CENPW: variants seen among roughly 807,000 people sequenced by gnomAD.
CENPW encodes the protein centromere protein W.
A neutral mutation model predicts 11.1 loss-of-function variants in CENPW; 3 were observed. The ratio of observed to expected loss-of-function variants is 0.27; its 90% CI spans 0.12 to 0.70. The LOEUF is 0.70. Ranked by LOEUF, CENPW falls within the 30% of genes least tolerant of loss-of-function variation. The pLI is 0.77. For synonymous variants in CENPW, 38 were observed against 42.0 expected, an observed-to-expected ratio of 0.91 and a Z score of 0.37; for missense variants, 100 against 105.6, an observed-to-expected ratio of 0.95 and a Z score of 0.23.
At chr6:126,348,966 A>C (rs2128290249), downstream of CENPW, 1 of 152,236 alleles carries the variant, frequency 6.6e-6, no homozygotes, top group African/African-American at 2.4e-5. Flanking sequence ...TTATGCCAGT[A>C]GTAATGTTAT....
At chr6:126,409,899 C>T in the CENPW span, among the ~76,000 whole-genome samples, 1 of 151,806 alleles carries the variant, frequency 6.6e-6, no homozygotes, top group Non-Finnish European at 1.5e-5. Context: ...GGATTTAATC[C>T]ATTTATATAT....
chr6:126,465,130 G>A, the CENPW span, among the ~76,000 whole-genome samples: 7 of 151,866 alleles, frequency 4.6e-5, no homozygotes, highest in Non-Finnish European at 8.8e-5. Context: ...ATCTATAAAC[G>A]TAAGAAATAA....
the CENPW span, among the ~76,000 whole-genome samples, chr6:126,384,174 G>A: frequency 6.6e-6 from 1 of 152,062 alleles, no homozygotes; most frequent in Non-Finnish European, 1.5e-5. Context: ...TGAAATTAAG[G>A]CAGAAATCAA....
At chr6:126,436,111 GA>G in the CENPW span, among the ~76,000 whole-genome samples, 199 of 151,858 alleles carry the variant, frequency 1.3e-3, 1 homozygote, top group Non-Finnish European at 2.1e-3. Flanking sequence ...TCCTGGCAAT[GA>G]AATCTCTGAG....
chr6:126,437,951 G>A, the CENPW span, among the ~76,000 whole-genome samples: 1 of 151,538 alleles, frequency 6.6e-6, no homozygotes, highest in East Asian at 1.9e-4. Flanking sequence ...AATAAAATTA[G>A]AACTAAAATA....
chr6:126,390,201 AC>A, the CENPW span, among the ~76,000 whole-genome samples: 1 of 151,884 alleles, frequency 6.6e-6, no homozygotes, highest in Non-Finnish European at 1.5e-5. Flanking sequence ...CTAAAACCAT[AC>A]CAATATCATC....
the CENPW span, among the ~76,000 whole-genome samples, chr6:126,417,220 T>C: frequency 1.3e-5 from 2 of 152,220 alleles, no homozygotes; most frequent in Non-Finnish European, 2.9e-5. Context: ...AACCCCTTTG[T>C]TCTGGCCAAT....
At chr6:126,440,578 A>G in the CENPW span, among the ~76,000 whole-genome samples, 104 of 151,748 alleles carry the variant, frequency 6.9e-4, no homozygotes, top group African/African-American at 2.2e-3. Context: ...ATATGCTAAT[A>G]TATAGAGAAC....
chr6:126,395,447 T>C, the CENPW span, among the ~76,000 whole-genome samples: 1 of 152,206 alleles, frequency 6.6e-6, no homozygotes, highest in Non-Finnish European at 1.5e-5. Flanking sequence ...TTCTCTTTGT[T>C]ATCTTAAATT....
chr6:126,350,180 T>C (rs1467614398), downstream of CENPW, among the ~76,000 whole-genome samples: 4 of 152,210 alleles, frequency 2.6e-5, no homozygotes, highest in African/African-American at 9.7e-5. Context: ...TTAGCTGTTC[T>C]GGCAAGAATA....
At chr6:126,476,460 C>T in the CENPW span, among the ~76,000 whole-genome samples, 7 of 151,870 alleles carry the variant, frequency 4.6e-5, no homozygotes, top group African/African-American at 9.7e-5. Context: ...TAGTGTGGCT[C>T]ATCTGAAGAT....
the CENPW span, among the ~76,000 whole-genome samples, chr6:126,428,974 A>C: frequency 9.5e-4 from 144 of 152,218 alleles, no homozygotes; most frequent in Non-Finnish European, 1.7e-3. Context: ...CATTTTTTTC[A>C]GTTAACACAA....
the CENPW span, among the ~76,000 whole-genome samples, chr6:126,379,099 A>G: frequency 6.6e-6 from 1 of 152,158 alleles, no homozygotes; most frequent in Non-Finnish European, 1.5e-5. Context: ...TTTTAACTTA[A>G]TGCTGAAAAA....
the CENPW span, among the ~76,000 whole-genome samples, chr6:126,455,733 G>C: frequency 2.0e-5 from 3 of 151,312 alleles, no homozygotes; most frequent in South Asian, 6.2e-4. Flanking sequence ...AATCAGGCGA[G>C]AGAAAGAAAG....
downstream of CENPW, among the ~76,000 whole-genome samples, chr6:126,353,018 A>G (rs144196540): frequency 1.2e-4 from 18 of 152,160 alleles, no homozygotes; most frequent in African/African-American, 4.1e-4. Flanking sequence ...ACTGTTGACT[A>G]TTTCTAGAAC....
chr6:126,366,052 T>G, the CENPW span, among the ~76,000 whole-genome samples: 1 of 152,194 alleles, frequency 6.6e-6, no homozygotes, highest in Non-Finnish European at 1.5e-5. Flanking sequence ...TTTAAGGCTT[T>G]GAAATTGTGA....
the CENPW span, among the ~76,000 whole-genome samples, chr6:126,432,706 C>T: frequency 1.3e-5 from 2 of 152,136 alleles, no homozygotes; most frequent in Non-Finnish European, 2.9e-5. Context: ...ATTCTAATGC[C>T]TCTCACTCAG....
the CENPW span, among the ~76,000 whole-genome samples, chr6:126,409,304 T>G: frequency 6.6e-6 from 1 of 152,196 alleles, no homozygotes; most frequent in Non-Finnish European, 1.5e-5. Flanking sequence ...TAATTTCAAT[T>G]TTAAAAAGGA....
the CENPW span, among the ~76,000 whole-genome samples, chr6:126,474,629 T>C: frequency 6.6e-6 from 1 of 152,194 alleles, no homozygotes; most frequent in Non-Finnish European, 1.5e-5. Context: ...CATTCTTAAA[T>C]TGGCCAGAAT....
Sources: allele counts gnomAD v4.1 joint callset (sites outside exome capture counted in the v4.1 genomes callset), GRCh38; gene constraint gnomAD v4.1.1; transcripts MANE v1.5; gene names NCBI Gene and HGNC (gene_info 2026-07-23, HGNC 2026-07-21).